The following ERCC2 variants were observed in gnomAD, a reference collection of about 807,000 sequenced individuals.
ERCC2 encodes ERCC excision repair 2, TFIIH core complex helicase subunit.
Under a neutral mutation model 99.4 loss-of-function variants are expected in ERCC2, and 90 were observed. The observed-to-expected ratio is 0.91, with a 90% CI of 0.76 to 1.08. The LOEUF is 1.08. Among genes scored for constraint, ERCC2 ranks in the 50% least tolerant of loss-of-function variants. The pLI is 0.00. For missense variants in ERCC2, 993 were observed against 1,038.1 expected (o/e 0.96, Z 0.60); for synonymous variants, 497 against 432.4 (o/e 1.15, Z -1.85).
chr19:45,364,746 G>A, intron 7 of ERCC2, 92 bp downstream of exon 7: 1 of 1,278,448 alleles, frequency 7.8e-7, no homozygotes, highest in Admixed American at 1.8e-5. Flanking sequence ...CAGACTCACA[G>A]CAAGCAACAG....
chr19:45,364,116 G>A lies in ERCC2; in HGVS notation c.819C>T (p.Ile273=). ...GCAGGCGCTGCTCGTCTGTCTCTTT[G>A]ATCCTGCGGAGAGATGAGCTGGGGC... ...LETLQKTVLR[I]KETDEQRLRD... is the part of the protein sequence containing the mutation. The change falls in exon 10 of 23, where the codon ATC becomes ATT. Residue 273 remains isoleucine, a synonymous_variant. Transcript: ENST00000391945. 1 of 1,611,330 alleles carries A rather than the reference G, an allele frequency of 6.2e-7. No individual in the cohort carries two copies. Among genetic ancestry groups the A allele is most frequent in the Non-Finnish European group, 8.5e-7 (1 of 1,179,262 alleles).
At chr19:45,365,221 G>A (rs961511779) in intron 5 of ERCC2, 63 bp from the exon 6 acceptor site, 2 of 1,206,504 alleles carry the variant, frequency 1.7e-6, no homozygotes, top group Non-Finnish European at 2.5e-6. Flanking sequence ...TTCAAACCCT[G>A]GTCTCCACAC....
chr19:45,358,285 G>A, intron 12 of ERCC2: 1 of 185,462 alleles, frequency 5.4e-6, no homozygotes, highest in Non-Finnish European at 1.1e-5. Context: ...CTCCCAAAGT[G>A]CCAGGATTAC....
Position 45,350,783 on chromosome 19 carries a change from T to G in ERCC2, c.*846A>C, listed in dbSNP as rs756865438. 1.5e-5 allele frequency: 23 copies of G among 1,568,932 alleles called. No individual in the cohort carries two copies. Among genetic ancestry groups the G allele is most frequent in the Non-Finnish European group, 1.8e-5 (21 of 1,151,242 alleles). ...ATCAGGTCGGCAAAGAGCCCTGACA[T>G]CAGCAGAATCCACAGCCCACCCCAC... On this transcript the variant is annotated 3_prime_UTR_variant, in exon 23 of 23. Transcript: ENST00000391945.
Position 45,351,068 on chromosome 19 carries a change from A to G in ERCC2, c.*561T>C, listed in dbSNP as rs1452846715. On this transcript the variant is annotated 3_prime_UTR_variant, in exon 23 of 23. Transcript: ENST00000391945. ...TAGAGGAGGCCATGTGGGTAGGTGC[A>G]GAGATGAGGCAAAGGCAGGGCGGTC... 1.9e-6 allele frequency: 3 copies of G among 1,613,664 alleles called. No homozygotes were observed. The highest frequency in any genetic ancestry group is 8.5e-7 in the Non-Finnish European group (1 of 1,179,884).
Position 45,351,748 on chromosome 19 carries a change from G to T in ERCC2, c.2191-27C>A, listed in dbSNP as rs772080488. 3.2e-5 allele frequency: 51 copies of T among 1,608,672 alleles called. 1 individual carries two copies. Among genetic ancestry groups the T allele is most frequent in the Non-Finnish European group, 4.3e-5 (51 of 1,175,874 alleles). On this transcript the variant is annotated intron_variant, in intron 22 of 22. Coordinates refer to ENST00000391945, the MANE Select transcript of ERCC2 (RefSeq NM_000400.4). ...TGCAGAGAACAGAGGAAAGGGAGAG[G>T]GGGGCACTGTTGGGCAGGGGCCCAG...
chr19:45,354,876 C>G (rs776251915), intron 16 of ERCC2, 25 bp from the exon 17 acceptor site: 2 of 1,613,468 alleles, frequency 1.2e-6, no homozygotes, highest in South Asian at 2.2e-5. Context: ...AGGTTGGGCC[C>G]TCTCCTGGCC....
At chr19:45,351,873 C>A in intron 22 of ERCC2, 152 bp from the exon 23 acceptor site, 1 of 725,462 alleles carries the variant, frequency 1.4e-6, no homozygotes, top group Non-Finnish European at 2.3e-6. Flanking sequence ...GCGGGCCATC[C>A]CTGTCAACAT....
At position 45,364,328 on chromosome 19, in the gene ERCC2, T is replaced by G. The variant is rs772590907; in HGVS notation, c.722A>C (p.Asn241Thr). The change falls in exon 9 of 23, where the codon AAC (asparagine) becomes ACC (threonine). Residue 241 changes from asparagine to threonine, a missense_variant. Asn to Thr is a moderately conservative substitution (Grantham distance 65). Transcript: ENST00000391945. The stretch of plus-strand genomic sequence containing the variant: ...GACGCTCATGGAGTCGATGCAGACG[T>G]TGTCTGGAGAAGGGGGAGAGAGCCG... ...VVFDEAHNID[N>T]VCIDSMSVNL... 6.2e-7 allele frequency: 1 copy of G among 1,613,876 alleles called. No homozygotes were observed. Among genetic ancestry groups the G allele is most frequent in the South Asian group, 1.1e-5 (1 of 91,076 alleles).
chr19:45,351,951 GTC>G (rs1282132899), intron 22 of ERCC2, among the ~76,000 whole-genome samples: 1 of 152,206 alleles, frequency 6.6e-6, no homozygotes, highest in African/African-American at 2.4e-5. Context: ...GGCCAGCACC[GTC>G]TCTCCTGAAA....
At position 45,370,181 on chromosome 19, in the gene ERCC2, G is replaced by C. The variant is rs369106754; in HGVS notation, c.57C>G (p.Pro19=). ...GCTCCCGCATGTAGGAGAACTGCTC[G>C]GGGTAGATGTAGTCGTACGGGAAGT... is the stretch of plus-strand genomic sequence containing the variant. ...LVYFPYDYIY[P]EQFSYMRELK... The change falls in exon 2 of 23, where the codon CCC becomes CCG. Residue 19 remains proline (P), a synonymous_variant. Transcript: ENST00000391945. 29 of 1,613,284 alleles carry C rather than the reference G, an allele frequency of 1.8e-5. No homozygotes were observed. Among genetic ancestry groups the C allele is most frequent in the Admixed American group, 8.3e-5 (5 of 59,982 alleles).
Position 45,351,106 on chromosome 19 carries a change from G to A in ERCC2, c.*523C>T. The A allele has an allele frequency of 3.1e-6, 5 of 1,608,374 alleles. No individual in the cohort carries two copies. The highest frequency in any genetic ancestry group is 3.4e-6 in the Non-Finnish European group (4 of 1,177,302). ...AGGCAGGGCGGTCGGGCCAGTGGTG[G>A]AGTCAGCAGGTGGTGGGTTGGTGTC... On this transcript the variant is annotated 3_prime_UTR_variant, in exon 23 of 23. Transcript: ENST00000391945.
Position 45,352,858 on chromosome 19 carries a change from G to A in ERCC2, c.1832-42C>T, listed in dbSNP as rs201031995. On this transcript the variant is annotated intron_variant, in intron 19 of 22. Coordinates refer to ENST00000391945, the MANE Select transcript of ERCC2 (RefSeq NM_000400.4). ...AGGGGGCGAGGGGGGTTACAAGTGT[G>A]GCTGGTGGGACAGGGACAGCCTCAC... 1.0e-5 allele frequency: 16 copies of A among 1,588,298 alleles called. No individual in the cohort carries two copies. In the African/African-American group the frequency reaches 1.3e-4, roughly 13 times the overall value.
intron 5 of ERCC2, among the ~76,000 whole-genome samples, chr19:45,367,222 C>T (rs988372198): frequency 6.6e-6 from 1 of 152,036 alleles, no homozygotes; most frequent in Non-Finnish European, 1.5e-5. Context: ...GTAATCCTAG[C>T]TACTCAGGAG....
chr19:45,364,542 C>T lies in ERCC2; in HGVS notation c.600G>A (p.Leu200=), dbSNP rs1483809865. 2.5e-6 allele frequency: 4 copies of T among 1,612,972 alleles called. No individual in the cohort carries two copies. The highest frequency in any genetic ancestry group is 1.3e-5 in the African/African-American group (1 of 74,878). Residue 200 remains leucine (L), a synonymous_variant, in exon 8 of 23, where the codon CTG becomes CTA. Coordinates refer to ENST00000391945, the MANE Select transcript of ERCC2 (RefSeq NM_000400.4). ...AGCTATAAACCACCACATTGGCATG[C>T]AGGATCTGGGGGGCCGGGGAGCAGG... The part of the protein sequence containing the change: ...CPYFLARYSI[L]HANVVVYSYH...
intron 5 of ERCC2, among the ~76,000 whole-genome samples, chr19:45,367,268 G>A (rs1253746287): frequency 6.6e-6 from 1 of 151,920 alleles, no homozygotes. Context: ...CCGGGAGGCG[G>A]AGCTTGTAGT....
chr19:45,367,196 G>A (rs1354641285), intron 5 of ERCC2, among the ~76,000 whole-genome samples: 1 of 151,978 alleles, frequency 6.6e-6, no homozygotes, highest in African/African-American at 2.4e-5. Flanking sequence ...AATTAGCCGG[G>A]TGTAGTGGGG....
Position 45,350,753 on chromosome 19 carries a change from T to C in ERCC2, c.*876A>G, listed in dbSNP as rs766373207. On this transcript the variant is annotated 3_prime_UTR_variant, in exon 23 of 23. Coordinates refer to ENST00000391945, the MANE Select transcript of ERCC2 (RefSeq NM_000400.4). ...GCGGCGGCAGGAGCAGCCGGGTGAG[T>C]GTTGATCAGGTCGGCAAAGAGCCCT... is the stretch of plus-strand genomic sequence containing the variant. The C allele has an allele frequency of 6.2e-7, 1 of 1,607,046 alleles. No homozygotes were observed. The highest frequency in any genetic ancestry group is 8.5e-7 in the Non-Finnish European group (1 of 1,177,120).
chr19:45,354,913 G>C, intron 16 of ERCC2, 62 bp from the exon 17 acceptor site: 1 of 1,609,352 alleles, frequency 6.2e-7, no homozygotes, highest in South Asian at 1.1e-5. Context: ...CTCTGTCTTA[G>C]AACTAGGAGT....
Sources: allele counts gnomAD v4.1 joint callset (sites outside exome capture counted in the v4.1 genomes callset), GRCh38; gene constraint gnomAD v4.1.1; transcripts MANE v1.5; gene names NCBI Gene and HGNC (gene_info 2026-07-23, HGNC 2026-07-21).